The following CETP variants were observed in gnomAD, a reference collection of about 807,000 sequenced individuals.
CETP encodes cholesteryl ester transfer protein.
CETP carries 56 observed loss-of-function variants against 66.5 expected under a neutral mutation model. That is an observed-to-expected ratio of 0.84 (90% CI 0.68 to 1.05). CETP has a LOEUF of 1.05. CETP is among the 50% of genes least tolerant of loss of function. The probability of loss-of-function intolerance (pLI) is 0.00; values close to 1 mark genes in which losing one functional copy is unlikely to be tolerated. For synonymous variants in CETP, 251 were observed against 245.7 expected, an observed-to-expected ratio of 1.02 and a Z score of -0.20; for missense variants, 612 against 609.6, an observed-to-expected ratio of 1.00 and a Z score of -0.04.
At position 56,969,457 on chromosome 16, in the gene CETP, C is replaced by A. The variant is rs2056091989; in HGVS notation, c.305C>A (p.Ser102Tyr). The change falls in exon 3 of 16, where the codon TCC (serine) becomes TAC (tyrosine). Residue 102 changes from serine to tyrosine, a missense_variant. Physicochemically the swap from Ser to Tyr is moderately radical, Grantham distance 144. Coordinates refer to ENST00000200676, the MANE Select transcript of CETP (RefSeq NM_000078.3). Reference protein sequence around the residue: ...ELVEAKSIDVSIQNVSVVFKG... With the variant: ...ELVEAKSIDVYIQNVSVVFKG... The stretch of plus-strand genomic sequence containing the variant: ...GTGGAAGCCAAGTCCATTGATGTCT[C>A]CATTCAGAACGTGTCTGTGGTCTTC... 6.2e-7 allele frequency: 1 copy of A among 1,614,052 alleles called. No homozygotes were observed. Among genetic ancestry groups the A allele is most frequent in the South Asian group, 1.1e-5 (1 of 91,092 alleles).
intron 1 of CETP, among the ~76,000 whole-genome samples, chr16:56,962,685 G>C (rs1442392767): frequency 6.6e-6 from 1 of 152,172 alleles, no homozygotes; most frequent in East Asian, 1.9e-4. Flanking sequence ...CAGTGTCACA[G>C]CATCGTCTGG....
intron 10 of CETP, 67 bp downstream of exon 10, chr16:56,975,218 C>A: frequency 7.2e-7 from 1 of 1,389,222 alleles, no homozygotes; most frequent in Non-Finnish European, 1.0e-6. Flanking sequence ...GCTTCAAGAG[C>A]CCCCACACAG....
intron 1 of CETP, 112 bp from the exon 2 acceptor site, chr16:56,962,898 C>T (rs1402437056): frequency 1.1e-6 from 1 of 901,550 alleles, no homozygotes; most frequent in African/African-American, 1.6e-5. Context: ...GCTTTAAGAC[C>T]TGCTGGGAGC....
At chr16:56,974,281 A>G (rs2056134284) in intron 9 of CETP, among the ~76,000 whole-genome samples, 1 of 152,202 alleles carries the variant, frequency 6.6e-6, no homozygotes, top group Non-Finnish European at 1.5e-5. Flanking sequence ...CTCTACAAAA[A>G]TAAAAATAAG....
chr16:56,975,039 A>G, intron 9 of CETP, 62 bp from the exon 10 acceptor site: 1 of 1,502,016 alleles, frequency 6.7e-7, no homozygotes, highest in Admixed American at 1.7e-5. Flanking sequence ...GTCCCTGCGA[A>G]GTTTTCTTCT....
rs1311044395 is a variant in CETP, at chr16:56,982,255, G to A, written c.1321+18G>A. On this transcript the variant is annotated intron_variant, in intron 14 of 15. Coordinates refer to ENST00000200676, the MANE Select transcript of CETP (RefSeq NM_000078.3). ...CATGTCTCGTAAGTGTGGGCTGGAG[G>A]GGAAACTGGGTGCCGAGGCTGACAG... 6.2e-7 allele frequency: 1 copy of A among 1,612,940 alleles called. No individual in the cohort carries two copies. The highest frequency in any genetic ancestry group is 8.5e-7 in the Non-Finnish European group (1 of 1,178,996).
chr16:56,981,701 T>TGG, intron 13 of CETP, 21 bp downstream of exon 13: 1 of 1,613,226 alleles, frequency 6.2e-7, no homozygotes, highest in East Asian at 2.2e-5. Flanking sequence ...TTGGATAGAC[T>TGG]GGGGGAAATA....
In CETP at chr16:56,979,662, G is replaced by A. The variant is rs556134746; in HGVS notation, c.1146+1407G>A. Among the ~76,000 whole-genome samples the A allele has an allele frequency of 1.8e-4, 28 of 152,134 alleles. No individual in the cohort carries two copies. The South Asian group carries it at 1.9e-3, about 10-fold the overall frequency. ...AGTAGCTAGCTGGCACTACAGGCGC[G>A]TGCCACCACGCCCAGCTAATTTTTA... On this transcript the variant is annotated intron_variant, in intron 11 of 15. Coordinates refer to ENST00000200676, the MANE Select transcript of CETP (RefSeq NM_000078.3).
intron 10 of CETP, among the ~76,000 whole-genome samples, chr16:56,976,488 T>A (rs1391518416): frequency 1.3e-5 from 2 of 151,952 alleles, no homozygotes; most frequent in Non-Finnish European, 2.9e-5. Flanking sequence ...TTTTTTTTTT[T>A]TAAGACAGAG....
Position 56,970,062 on chromosome 16 carries a change from G to A in CETP, c.527+61G>A, listed in dbSNP as rs1436866253. On this transcript the variant is annotated intron_variant, in intron 5 of 15. Coordinates refer to ENST00000200676, the MANE Select transcript of CETP (RefSeq NM_000078.3). Reference sequence around the variant, plus strand: ...GTGCCCATCCTGTTAGTGTGTCCACGGCTCCTTCCAGGCTCAACCCCACAC... The same window carrying A: ...GTGCCCATCCTGTTAGTGTGTCCACAGCTCCTTCCAGGCTCAACCCCACAC... The A allele has an allele frequency of 1.1e-5, 16 of 1,517,438 alleles. No homozygotes were observed. The Admixed American group carries it at 1.1e-4, about 10-fold the overall frequency. The allele number at this position is 1,517,438 out of a possible 1,614,324, so 94.0% of individuals were successfully genotyped here. A position where few individuals can be genotyped will look rare whatever the true frequency, so the allele number is the denominator to read the frequency against.
chr16:56,975,741 C>T (rs1465128558), intron 10 of CETP, among the ~76,000 whole-genome samples: 1 of 21,942 alleles, frequency 4.6e-5, no homozygotes, highest in African/African-American at 1.1e-4. Context: ...CACCTCACTC[C>T]CCCCACCCAC....
chr16:56,969,935 G>A lies in CETP; in HGVS notation c.461G>A (p.Arg154Gln), dbSNP rs184615182. The part of the protein sequence containing the change: ...TQLTCDSGRV[R>Q]TDAPDCYLSF... ...GCAGCCTGTGACTCTGGTAGAGTGC[G>A]GACCGATGCCCCTGACTGCTACCTG... The change falls in exon 5 of 16, where the codon CGG becomes CAG. Residue 154 changes from arginine to glutamine, a missense_variant. Arg to Gln is a conservative substitution (Grantham distance 43). Transcript: ENST00000200676. 1.8e-5 allele frequency: 29 copies of A among 1,614,112 alleles called. No homozygotes were observed. The highest frequency in any genetic ancestry group is 1.8e-4 in the East Asian group (8 of 44,880).
intron 14 of CETP, among the ~76,000 whole-genome samples, chr16:56,983,055 C>T (rs1342691862): frequency 1.3e-5 from 2 of 152,204 alleles, no homozygotes; most frequent in Non-Finnish European, 2.9e-5. Flanking sequence ...AACTGCAGGT[C>T]ATGTGGCCAT....
intron 10 of CETP, among the ~76,000 whole-genome samples, chr16:56,977,425 T>C (rs2056157522): frequency 6.6e-6 from 1 of 152,058 alleles, no homozygotes; most frequent in African/African-American, 2.4e-5. Flanking sequence ...GTCCACACTG[T>C]CCCCTCTGCC....
At chr16:56,968,259 C>T (rs1450336690) in intron 2 of CETP, among the ~76,000 whole-genome samples, 2 of 152,044 alleles carry the variant, frequency 1.3e-5, no homozygotes, top group African/African-American at 4.8e-5. Flanking sequence ...GATCTCAGCT[C>T]ACTGCAACTT....
Position 56,969,385 on chromosome 16 carries a change from G to A in CETP, c.234-1G>A, listed in dbSNP as rs1242911236. 1 of 1,613,812 alleles carries A rather than the reference G, an allele frequency of 6.2e-7. No homozygotes were observed. On this transcript the variant is annotated splice_acceptor_variant, in intron 2 of 15. Transcript: ENST00000200676. LOFTEE classifies it high-confidence loss of function. ...CCTTCCTCACTTCCATTCCTTCCCA[G>A]CATCCAGATCAGCCACTTGTCCATC...
chr16:56,975,273 T>G, intron 10 of CETP, 122 bp downstream of exon 10: 1 of 833,368 alleles, frequency 1.2e-6, no homozygotes, highest in Non-Finnish European at 2.0e-6. Flanking sequence ...CGAACACAGC[T>G]CCTACTCGGT....
chr16:56,971,148 G>A (rs1020430971), intron 6 of CETP, 46 bp downstream of exon 6: 7 of 1,594,690 alleles, frequency 4.4e-6, no homozygotes, highest in Non-Finnish European at 6.0e-6. Context: ...CCATGCCCAG[G>A]AGGCTGGATC....
At position 56,971,934 on chromosome 16, in the gene CETP, G is replaced by A. The variant is rs564292702; in HGVS notation, c.659-58G>A. The A allele has an allele frequency of 4.7e-5, 68 of 1,433,108 alleles. No individual in the cohort carries two copies. The African/African-American group carries it at 5.0e-4, about 11-fold the overall frequency. The allele number at this position is 1,433,108 out of a possible 1,614,324, so 88.8% of individuals were successfully genotyped here. On this transcript the variant is annotated intron_variant, in intron 7 of 15. Coordinates refer to ENST00000200676, the MANE Select transcript of CETP (RefSeq NM_000078.3). ...GGTAGCTGTGTGGATGCAGGGGAGC[G>A]GTGACTCAGGGCAATTCCCCCATCC...
Sources: allele counts gnomAD v4.1 joint callset (sites outside exome capture counted in the v4.1 genomes callset), GRCh38; gene constraint gnomAD v4.1.1; transcripts MANE v1.5; gene names NCBI Gene and HGNC (gene_info 2026-07-23, HGNC 2026-07-21).